Variants in FSTL1 observed in about 807,000 individuals in gnomAD.
FSTL1 encodes the protein follistatin-related protein 1.
FSTL1 carries 24 observed loss-of-function variants against 45.9 expected under a neutral mutation model. That is an observed-to-expected ratio of 0.52 (90% CI 0.38 to 0.74). The LOEUF (loss-of-function observed/expected upper bound fraction) is 0.74. FSTL1 is among the 30% of genes least tolerant of loss of function. FSTL1 has a pLI of 0.00. For missense variants in FSTL1, 340 were observed against 381.8 expected (o/e 0.89, Z 0.91); for synonymous variants, 120 against 137.6 (o/e 0.87, Z 0.89).
At chr3:120,425,762 A>AG (rs1388118420) in intron 2 of FSTL1, among the ~76,000 whole-genome samples, 3 of 152,124 alleles carry the variant, frequency 2.0e-5, no homozygotes, top group Non-Finnish European at 4.4e-5. Flanking sequence ...TAGGTTCTGA[A>AG]GGGGGGATTA....
At chr3:120,429,220 C>T (rs1446835787) in intron 2 of FSTL1, among the ~76,000 whole-genome samples, 2 of 152,160 alleles carry the variant, frequency 1.3e-5, no homozygotes, top group Non-Finnish European at 2.9e-5. Context: ...CAGAGGGCAT[C>T]CAAAGGAAGG....
At chr3:120,433,715 G>A (rs571622038) in intron 2 of FSTL1, among the ~76,000 whole-genome samples, 1 of 152,300 alleles carries the variant, frequency 6.6e-6, no homozygotes, top group East Asian at 1.9e-4. Context: ...GGGAGAGAGG[G>A]CACCACTTAG....
intron 2 of FSTL1, among the ~76,000 whole-genome samples, chr3:120,435,461 C>T (rs1301840355): frequency 6.6e-6 from 1 of 152,172 alleles, no homozygotes; most frequent in Non-Finnish European, 1.5e-5. Context: ...ACTTCTAGGA[C>T]AAGAACCATT....
At chr3:120,409,484 C>T (rs760173014) in intron 6 of FSTL1, 48 bp downstream of exon 6, 3 of 1,566,704 alleles carry the variant, frequency 1.9e-6, no homozygotes, top group Non-Finnish European at 2.6e-6. Context: ...GAGGAGGAAG[C>T]TTCCCTTTCT....
At chr3:120,420,998 A>G (rs1937269422) in intron 2 of FSTL1, among the ~76,000 whole-genome samples, 1 of 152,240 alleles carries the variant, frequency 6.6e-6, no homozygotes, top group African/African-American at 2.4e-5. Context: ...ATGGAGAAGC[A>G]AGTTATTTGC....
At chr3:120,414,622 G>A (rs1937154251) in intron 3 of FSTL1, among the ~76,000 whole-genome samples, 3 of 152,056 alleles carry the variant, frequency 2.0e-5, no homozygotes, top group Non-Finnish European at 4.4e-5. Context: ...AGACATGGGA[G>A]ACTTTTCATT....
At chr3:120,412,160 CCT>C (rs1173809808) in intron 3 of FSTL1, among the ~76,000 whole-genome samples, 177 bp from the exon 4 acceptor site, 5 of 152,168 alleles carry the variant, frequency 3.3e-5, no homozygotes, top group African/African-American at 4.8e-5. Context: ...GCCAACTGAC[CCT>C]GTCTCAGTTG....
At chr3:120,412,834 GCGCGCACACACACACACA>G (rs1191198342) in intron 3 of FSTL1, among the ~76,000 whole-genome samples, 3 of 77,514 alleles carry the variant, frequency 3.9e-5, no homozygotes, top group South Asian at 4.3e-4. Flanking sequence ...GCGCGCGCGC[GCGCGCACACACACACACA>G]CACACACACA....
intron 2 of FSTL1, among the ~76,000 whole-genome samples, chr3:120,428,489 C>T (rs35521019): frequency 0.52 from 79,186 of 152,060 alleles, 21,901 homozygotes; most frequent in East Asian, 0.62. Context: ...TCCCAGCCCT[C>T]TGGGAGGCCT....
intron 9 of FSTL1, among the ~76,000 whole-genome samples, chr3:120,401,007 T>C (rs1402648776): frequency 6.6e-6 from 1 of 152,226 alleles, no homozygotes; most frequent in Non-Finnish European, 1.5e-5. Flanking sequence ...CTGATGCATG[T>C]GATAGAGATT....
rs1370772866 is a variant in FSTL1 at position 120,445,920 on chromosome 3, T to A, written c.63+4764A>T. On this transcript the variant is annotated intron_variant, in intron 2 of 10. Coordinates refer to ENST00000295633, the MANE Select transcript of FSTL1 (RefSeq NM_007085.5). ...GAAGGCCACGCCATTCATGGCATACTCTCAGAGAAAGCACCCCTTGCCAAA... is the reference window on the plus strand; with the variant it reads ...GAAGGCCACGCCATTCATGGCATACACTCAGAGAAAGCACCCCTTGCCAAA... Among the ~76,000 whole-genome samples, 2 of 149,906 alleles carry A rather than the reference T, an allele frequency of 1.3e-5. 1 individual carries two copies. Among genetic ancestry groups the A allele is most frequent in the African/African-American group, 5.1e-5 (2 of 39,228 alleles).
At chr3:120,417,581 G>C (rs1368334608) in intron 2 of FSTL1, among the ~76,000 whole-genome samples, 1 of 152,212 alleles carries the variant, frequency 6.6e-6, no homozygotes, top group Admixed American at 6.5e-5. Context: ...GCGGGGATTG[G>C]AGAGCTTTTG....
chr3:120,426,841 G>A (rs1240349829), intron 2 of FSTL1, among the ~76,000 whole-genome samples: 1 of 152,060 alleles, frequency 6.6e-6, no homozygotes, highest in Admixed American at 6.6e-5. Context: ...TGTTCATGTA[G>A]CCTCGAGATC....
intron 2 of FSTL1, among the ~76,000 whole-genome samples, chr3:120,432,635 T>C (rs773890396): frequency 1.1e-4 from 17 of 152,230 alleles, no homozygotes; most frequent in Non-Finnish European, 2.4e-4. Context: ...CACTTCCAAG[T>C]ATCATGTAAC....
intron 2 of FSTL1, among the ~76,000 whole-genome samples, chr3:120,446,311 T>C (rs1268409384): frequency 2.0e-5 from 3 of 152,214 alleles, no homozygotes; most frequent in African/African-American, 7.2e-5. Context: ...CTTCAGCCCA[T>C]GACCAGATCT....
chr3:120,399,016 AATTACT>A (rs1189867858), intron 10 of FSTL1, among the ~76,000 whole-genome samples: 1 of 152,238 alleles, frequency 6.6e-6, no homozygotes, highest in Non-Finnish European at 1.5e-5. Context: ...ATAAATGGGC[AATTACT>A]ATTAATAGTA....
At chr3:120,424,959 T>G (rs1368916083) in intron 2 of FSTL1, among the ~76,000 whole-genome samples, 2 of 151,314 alleles carry the variant, frequency 1.3e-5, no homozygotes, top group African/African-American at 4.9e-5. Flanking sequence ...GGGTGAGAAA[T>G]TGAGGCAGAG....
chr3:120,396,946 T>G lies in FSTL1; in HGVS notation c.*6A>C, dbSNP rs199957284. The G allele has an allele frequency of 1.2e-5, 19 of 1,606,382 alleles. No individual in the cohort carries two copies. The East Asian group carries it at 3.8e-4, about 32-fold the overall frequency. ...TGGGATCCAGACACTGGTCTGTGCC[T>G]CCTCATTAGATCTCTTTGGTGCTCA... On this transcript the variant is annotated 3_prime_UTR_variant, in exon 11 of 11. Coordinates refer to ENST00000295633, the MANE Select transcript of FSTL1 (RefSeq NM_007085.5).
chr3:120,409,730 T>A, intron 5 of FSTL1, 68 bp from the exon 6 acceptor site: 4 of 1,476,406 alleles, frequency 2.7e-6, no homozygotes, highest in South Asian at 1.2e-5. Flanking sequence ...TGGCACCCAC[T>A]GTGTGGGAGC....
Sources: gnomAD v4.1 joint callset for allele counts (sites outside exome capture counted in the v4.1 genomes callset) on GRCh38, gnomAD v4.1.1 for gene constraint, MANE v1.5 for transcripts, NCBI Gene and HGNC (gene_info 2026-07-23, HGNC 2026-07-21) for gene names.